Variants in THSD7A observed in about 807,000 individuals in gnomAD.
THSD7A encodes the protein thrombospondin type-1 domain-containing protein 7A.
In THSD7A, 96 loss-of-function variants were observed where a neutral mutation model predicts 231.3. That is an observed-to-expected ratio of 0.41 (90% CI 0.35 to 0.49). The LOEUF is 0.49. Among genes scored for constraint, THSD7A ranks in the 20% least tolerant of loss-of-function variants. The pLI, the probability that THSD7A is intolerant of heterozygous loss-of-function variation, is 0.05. For missense variants in THSD7A, 2,290 were observed against 2,070.2 expected (o/e 1.11, Z -2.06); for synonymous variants, 940 against 743.3 (o/e 1.26, Z -4.30).
Position 11,411,047 on chromosome 7 carries a change from T to G in THSD7A, c.3798+160A>C, listed in dbSNP as rs1004308642. Among the ~76,000 whole-genome samples, 3 of 152,052 alleles carry G rather than the reference T, an allele frequency of 2.0e-5. No homozygotes were observed. Among genetic ancestry groups the G allele is most frequent in the Non-Finnish European group, 4.4e-5 (3 of 68,024 alleles). ...AATTATATGTAGGAATCAGTAGTGT[T>G]GGACATTGTGTCTTTTCAAGAACAT... On this transcript the variant is annotated intron_variant, in intron 19 of 27. Transcript: ENST00000423059. The surrounding 1 kb of genome is among the most constrained non-coding windows in gnomAD (Gnocchi z 4.1).
chr7:11,701,004 T>C (rs1780581277), intron 1 of THSD7A, among the ~76,000 whole-genome samples: 1 of 151,306 alleles, frequency 6.6e-6, no homozygotes, highest in African/African-American at 2.4e-5. Flanking sequence ...CCTCCTTCTT[T>C]GTATACTAGT....
intron 6 of THSD7A, among the ~76,000 whole-genome samples, chr7:11,526,613 T>C (rs1164492358): frequency 6.6e-6 from 1 of 152,210 alleles, no homozygotes; most frequent in Non-Finnish European, 1.5e-5. Flanking sequence ...AATGTGCATA[T>C]AATGCCAGTA....
At chr7:11,593,138 G>T in intron 3 of THSD7A, 116 bp downstream of exon 3, 1 of 1,380,156 alleles carries the variant, frequency 7.2e-7, no homozygotes, top group Non-Finnish European at 9.6e-7. Context: ...GATACTGTTT[G>T]TAAAGATATT....
chr7:11,404,610 T>C (rs1783521090), intron 22 of THSD7A, among the ~76,000 whole-genome samples: 1 of 152,084 alleles, frequency 6.6e-6, no homozygotes, highest in African/African-American at 2.4e-5. Flanking sequence ...TTTATTGAAT[T>C]GTGTGTGAGA....
At chr7:11,576,502 C>T (rs530457377) in intron 4 of THSD7A, among the ~76,000 whole-genome samples, 10 of 152,234 alleles carry the variant, frequency 6.6e-5, no homozygotes, top group African/African-American at 2.2e-4. Context: ...AGAGTCACTG[C>T]GATTCATAGC....
intron 2 of THSD7A, among the ~76,000 whole-genome samples, chr7:11,612,332 A>G (rs1235522719): frequency 2.6e-5 from 4 of 152,208 alleles, no homozygotes; most frequent in Non-Finnish European, 5.9e-5. Context: ...AACTCAGGAG[A>G]TGAAGAGGTC....
intron 23 of THSD7A, among the ~76,000 whole-genome samples, chr7:11,393,273 C>T (rs562834853): frequency 2.0e-5 from 3 of 151,844 alleles, no homozygotes; most frequent in African/African-American, 4.8e-5. Flanking sequence ...TCCAGCAGAC[C>T]TGCAGCAGAG....
At chr7:11,742,543 G>T (rs1350897791) in intron 1 of THSD7A, among the ~76,000 whole-genome samples, 2 of 151,800 alleles carry the variant, frequency 1.3e-5, no homozygotes, top group African/African-American at 4.8e-5. Context: ...CCTTTATGTT[G>T]TCTAATTGAT....
intron 1 of THSD7A, among the ~76,000 whole-genome samples, chr7:11,779,226 A>C (rs1783545039): frequency 6.6e-6 from 1 of 152,214 alleles, no homozygotes; most frequent in South Asian, 2.1e-4. Context: ...ATGTGCCACC[A>C]GGAAGTAGTT....
chr7:11,475,280 C>G (rs1786112140), intron 7 of THSD7A, among the ~76,000 whole-genome samples: 1 of 152,118 alleles, frequency 6.6e-6, no homozygotes, highest in Non-Finnish European at 1.5e-5. Context: ...CAGCAGACCA[C>G]TGCTGGGTGA....
At chr7:11,548,362 A>C (rs1192776938) in intron 4 of THSD7A, among the ~76,000 whole-genome samples, 1 of 152,128 alleles carries the variant, frequency 6.6e-6, no homozygotes, top group Admixed American at 6.5e-5. Flanking sequence ...TGAAACAGTA[A>C]TAAAAAACCC....
chr7:11,471,368 G>A (rs1362870411), intron 8 of THSD7A, among the ~76,000 whole-genome samples: 1 of 151,942 alleles, frequency 6.6e-6, no homozygotes, highest in Non-Finnish European at 1.5e-5. Context: ...CTTTTGTCAA[G>A]TAAGTTAATC....
intron 4 of THSD7A, among the ~76,000 whole-genome samples, chr7:11,587,492 T>A (rs1489928161): frequency 6.6e-6 from 1 of 152,176 alleles, no homozygotes; most frequent in Non-Finnish European, 1.5e-5. Context: ...CTCTCCAATA[T>A]TGATGAGATA....
Position 11,406,808 on chromosome 7 carries a change from G to T in THSD7A, c.4062+102C>A. ...ATTTTAAGAAGCTTGTCATCTGTGA[G>T]CTCTGAAACATATTTCTAACACATT... On this transcript the variant is annotated intron_variant, in intron 21 of 27. Transcript: ENST00000423059. The surrounding 1 kb of genome is among the most constrained non-coding windows in gnomAD (Gnocchi z 4.7). 7.3e-7 allele frequency: 1 copy of T among 1,363,366 alleles called. No individual in the cohort carries two copies. Among genetic ancestry groups the T allele is most frequent in the Non-Finnish European group, 9.8e-7 (1 of 1,015,670 alleles). The allele number at this position is 1,363,366 out of a possible 1,614,324, so 84.5% of individuals were successfully genotyped here. A position where few individuals can be genotyped will look rare whatever the true frequency, so the allele number is the denominator to read the frequency against.
At chr7:11,716,193 C>G (rs1781130987) in intron 1 of THSD7A, among the ~76,000 whole-genome samples, 1 of 151,492 alleles carries the variant, frequency 6.6e-6, no homozygotes. Context: ...CACATGCTTC[C>G]ACACACAAGG....
At chr7:11,709,952 C>A (rs1780895297) in intron 1 of THSD7A, among the ~76,000 whole-genome samples, 1 of 150,858 alleles carries the variant, frequency 6.6e-6, no homozygotes, top group African/African-American at 2.4e-5. Context: ...TTGCTGACTG[C>A]TAACTCTTAA....
chr7:11,539,371 T>A (rs1789046189), intron 6 of THSD7A, among the ~76,000 whole-genome samples: 2 of 152,208 alleles, frequency 1.3e-5, no homozygotes. Flanking sequence ...AACTAATTAA[T>A]GTCAGGAAAT....
chr7:11,791,199 C>T (rs776694580), intron 1 of THSD7A, among the ~76,000 whole-genome samples: 23 of 151,914 alleles, frequency 1.5e-4, no homozygotes, highest in Non-Finnish European at 2.1e-4. Flanking sequence ...AATACATAAA[C>T]GTAATTTGAG....
intron 24 of THSD7A, among the ~76,000 whole-genome samples, chr7:11,380,432 T>A (rs900485929): frequency 2.6e-5 from 4 of 152,212 alleles, no homozygotes; most frequent in African/African-American, 9.6e-5. Context: ...TTGTTCAGTT[T>A]AACAGAATTT....
Sources: gnomAD v4.1 joint callset for allele counts (sites outside exome capture counted in the v4.1 genomes callset) on GRCh38, gnomAD v4.1.1 for gene constraint, Gnocchi (gnomAD v3.1) non-coding constraint, MANE v1.5 for transcripts, NCBI Gene and HGNC (gene_info 2026-07-23, HGNC 2026-07-21) for gene names.